The following ZFHX3 variants were observed in gnomAD, a reference collection of about 807,000 sequenced individuals.
ZFHX3 encodes zinc finger homeobox 3.
In ZFHX3, 42 loss-of-function variants were observed where a neutral mutation model predicts 279.1. The ratio of observed to expected loss-of-function variants is 0.15; its 90% CI spans 0.12 to 0.19. The LOEUF is 0.19. Ranked by LOEUF, ZFHX3 falls within the 10% of genes least tolerant of loss-of-function variation. The pLI, the probability that ZFHX3 is intolerant of heterozygous loss-of-function variation, is 1.00. For missense variants in ZFHX3, 4,981 were observed against 4,754.0 expected (o/e 1.05, Z -1.40); for synonymous variants, 2,293 against 1,957.8 (o/e 1.17, Z -4.52).
intron 1 of ZFHX3, among the ~76,000 whole-genome samples, chr16:73,694,038 A>AAAC (rs1222710506): frequency 6.6e-6 from 1 of 151,730 alleles, no homozygotes; most frequent in Non-Finnish European, 1.5e-5. Flanking sequence ...AAAAAAAAAA[A>AAAC]ATTGCTAGGC....
intron 8 of ZFHX3, among the ~76,000 whole-genome samples, chr16:73,069,482 A>C (rs1965796961): frequency 1.3e-5 from 2 of 152,236 alleles, no homozygotes; most frequent in African/African-American, 4.8e-5. Context: ...GTGCACACCC[A>C]AATTAGCCAT....
At chr16:72,817,556 A>G (rs1182673198) in intron 5 of ZFHX3, among the ~76,000 whole-genome samples, 1 of 152,206 alleles carries the variant, frequency 6.6e-6, no homozygotes, top group Non-Finnish European at 1.5e-5. Context: ...AGCAAAATTC[A>G]TCTTCTCATC....
chr16:73,696,077 T>C (rs565812398), intron 1 of ZFHX3, among the ~76,000 whole-genome samples: 21 of 152,332 alleles, frequency 1.4e-4, no homozygotes, highest in Middle Eastern at 6.8e-3. Flanking sequence ...AAATATTACA[T>C]GGCCCAGAGT....
chr16:73,225,055 A>T (rs1009607643), intron 5 of ZFHX3, among the ~76,000 whole-genome samples: 1 of 152,152 alleles, frequency 6.6e-6, no homozygotes, highest in Non-Finnish European at 1.5e-5. Flanking sequence ...TCATCCTAAG[A>T]GATAATATCT....
intron 1 of ZFHX3, among the ~76,000 whole-genome samples, chr16:73,057,887 T>G (rs1352021226): frequency 6.8e-6 from 1 of 147,408 alleles, no homozygotes; most frequent in African/African-American, 2.5e-5. Context: ...GCAGCAGCAG[T>G]GGCTGCGACC....
chr16:73,746,560 T>G (rs1301799329), intron 1 of ZFHX3, among the ~76,000 whole-genome samples: 1 of 152,210 alleles, frequency 6.6e-6, no homozygotes, highest in Non-Finnish European at 1.5e-5. Context: ...TTCAGCCCCC[T>G]TGGGACTTCT....
At chr16:72,872,862 A>G (rs760861670) in intron 4 of ZFHX3, among the ~76,000 whole-genome samples, 2 of 152,216 alleles carry the variant, frequency 1.3e-5, no homozygotes, top group Non-Finnish European at 2.9e-5. Flanking sequence ...CGAAAGATGG[A>G]AGAAAATGGG....
intron 3 of ZFHX3, among the ~76,000 whole-genome samples, chr16:73,349,798 C>G (rs1567457601): frequency 2.1e-5 from 2 of 95,588 alleles, no homozygotes; most frequent in Non-Finnish European, 4.1e-5. Context: ...TCCTTGTTCC[C>G]TCTTCCCTCC....
At position 72,788,529 on chromosome 16, in the gene ZFHX3, C is replaced by T. The variant is rs781225073; in HGVS notation, c.9747G>A (p.Gly3249=). The T allele has an allele frequency of 6.2e-7, 1 of 1,614,152 alleles. No homozygotes were observed. Among genetic ancestry groups the T allele is most frequent in the Non-Finnish European group, 8.5e-7 (1 of 1,180,026 alleles). The change falls in exon 10 of 10, where the codon GGG becomes GGA. Residue 3249 remains glycine, a synonymous_variant. Transcript: ENST00000268489. ...KVKEKEKAHK[G]KGEPLPVPKK... The stretch of plus-strand genomic sequence containing the variant: ...TGGGGACAGGCAGGGGTTCCCCTTT[C>T]CCTTTGTGTGCCTTTTCCTTCTCCT...
At chr16:72,934,300 C>T (rs897736027) in intron 3 of ZFHX3, among the ~76,000 whole-genome samples, 4 of 151,910 alleles carry the variant, frequency 2.6e-5, no homozygotes, top group African/African-American at 7.3e-5. Flanking sequence ...TGGTGGCGGG[C>T]GCCTGTAATC....
At chr16:73,720,972 G>A (rs1268087078) in intron 1 of ZFHX3, among the ~76,000 whole-genome samples, 3 of 152,168 alleles carry the variant, frequency 2.0e-5, no homozygotes, top group Admixed American at 2.0e-4. Flanking sequence ...TGACAGCCTA[G>A]GGGCCACGTG....
At chr16:72,790,385 A>G (rs1025495306) in intron 9 of ZFHX3, 5 of 152,334 alleles carry the variant, frequency 3.3e-5, no homozygotes, top group African/African-American at 9.6e-5. Flanking sequence ...ATCTTACTTC[A>G]TCTGGACCTC....
intron 7 of ZFHX3, chr16:73,127,632 AC>A (rs1233298511): frequency 7.9e-7 from 1 of 1,263,010 alleles, no homozygotes; most frequent in Admixed American, 2.8e-5. Flanking sequence ...CAGGGTGCAG[AC>A]TGGATGTTAT....
chr16:73,665,494 A>G (rs7188237), intron 2 of ZFHX3, among the ~76,000 whole-genome samples: 147,483 of 151,760 alleles, frequency 0.97, 71,726 homozygotes, highest in East Asian at 1. Context: ...GATTACAGGC[A>G]TGAGCCACCA....
At chr16:73,053,797 AGGGATAAG>A (rs1965494830) in intron 1 of ZFHX3, among the ~76,000 whole-genome samples, 1 of 152,164 alleles carries the variant, frequency 6.6e-6, no homozygotes, top group African/African-American at 2.4e-5. Context: ...AGGCGGGGGT[AGGGATAAG>A]AGGGCCCTGC....
chr16:73,067,919 A>G (rs910694201), intron 8 of ZFHX3, among the ~76,000 whole-genome samples: 1 of 152,130 alleles, frequency 6.6e-6, no homozygotes, highest in Non-Finnish European at 1.5e-5. Flanking sequence ...GTAAGGTTCA[A>G]TTTAGCACCC....
At chr16:73,299,734 C>A (rs758521440) in intron 4 of ZFHX3, among the ~76,000 whole-genome samples, 5 of 152,204 alleles carry the variant, frequency 3.3e-5, no homozygotes, top group South Asian at 2.1e-4. Context: ...CCCCATATTT[C>A]ATCGTGCAAA....
At chr16:73,872,329 C>T (rs1457381465) in intron 1 of ZFHX3, among the ~76,000 whole-genome samples, 2 of 152,124 alleles carry the variant, frequency 1.3e-5, no homozygotes, top group East Asian at 3.9e-4. Context: ...GCAGCCTCCA[C>T]CTCCCAGGCT....
chr16:72,958,640 T>G lies in ZFHX3; in HGVS notation c.1506A>C (p.Glu502Asp). ...KGLFPSELDE[E>D]LEDRPHEEPG... ...GCTCCTCATGGGGCCTGTCCTCCAG[T>G]TCCTCATCCAACTCGCTTGGAAAGA... is the stretch of plus-strand genomic sequence containing the variant. Residue 502 changes from glutamate to aspartate, a missense_variant, in exon 2 of 10, where the codon GAA becomes GAC. This residue lies in a region of ZFHX3 where 1,068 missense variants were observed against 935.2 expected (regional missense o/e 1.14). Transcript: ENST00000268489. The G allele has an allele frequency of 6.2e-7, 1 of 1,614,044 alleles. No homozygotes were observed.
Sources: gnomAD v4.1 joint callset for allele counts (sites outside exome capture counted in the v4.1 genomes callset) on GRCh38, gnomAD v4.1.1 for gene constraint, gnomAD v4.1.1 regional missense constraint, MANE v1.5 for transcripts, NCBI Gene and HGNC (gene_info 2026-07-23, HGNC 2026-07-21) for gene names.